The following PCBP3 variants were observed in gnomAD, a reference collection of about 807,000 sequenced individuals.
The protein encoded by PCBP3 is poly(rC)-binding protein 3.
A neutral mutation model predicts 52.7 loss-of-function variants in PCBP3; 25 were observed. That is an observed-to-expected ratio of 0.47 (90% CI 0.35 to 0.66). PCBP3 has a LOEUF of 0.66. PCBP3 is among the 30% of genes least tolerant of loss of function. PCBP3 has a pLI of 0.01. For missense variants in PCBP3, 391 were observed against 490.3 expected (o/e 0.80, Z 1.91); for synonymous variants, 162 against 183.0 (o/e 0.89, Z 0.93).
At chr21:45,844,842 G>A (rs972673170) in intron 4 of PCBP3, among the ~76,000 whole-genome samples, 15 of 133,894 alleles carry the variant, frequency 1.1e-4, no homozygotes, top group Admixed American at 5.4e-4. Flanking sequence ...CTTCATATAC[G>A]TATATAAAGT....
chr21:45,647,380 A>G (rs1424814252), intron 1 of PCBP3, among the ~76,000 whole-genome samples: 1 of 152,200 alleles, frequency 6.6e-6, no homozygotes, highest in African/African-American at 2.4e-5. Flanking sequence ...TGAAGGGCTC[A>G]CCTGTTCGGA....
chr21:45,764,095 A>G (rs2089010935), intron 4 of PCBP3, among the ~76,000 whole-genome samples: 1 of 151,758 alleles, frequency 6.6e-6, no homozygotes, highest in Non-Finnish European at 1.5e-5. Context: ...TTTGTAATAC[A>G]AAGTTTCTCA....
intron 4 of PCBP3, among the ~76,000 whole-genome samples, chr21:45,845,565 C>A (rs969632751): frequency 6.6e-6 from 1 of 151,386 alleles, no homozygotes; most frequent in African/African-American, 2.4e-5. Flanking sequence ...GCTGCTTAAG[C>A]ACCCGTGTGC....
In PCBP3 at chr21:45,827,516, T is replaced by C. The variant is rs1321829181; in HGVS notation, c.-125-22445T>C. Among the ~76,000 whole-genome samples the C allele has an allele frequency of 6.6e-6, 1 of 151,498 alleles. No homozygotes were observed. The highest frequency in any genetic ancestry group is 1.5e-5 in the Non-Finnish European group (1 of 67,844). ...TTTAAAAAAGACATCATAAAGATGC[T>C]TCAGTGAGCCGTCACCAGCTCTACA... On this transcript the variant is annotated intron_variant, in intron 4 of 17. Transcript: ENST00000681687. The surrounding 1 kb of genome is among the most constrained non-coding windows in gnomAD (Gnocchi z 4.3).
intron 13 of PCBP3, among the ~76,000 whole-genome samples, chr21:45,921,748 G>A (rs1034495952): frequency 6.6e-6 from 1 of 152,178 alleles, no homozygotes; most frequent in African/African-American, 2.4e-5. Context: ...GAGCCCGGGA[G>A]GTGGAGGTTG....
chr21:45,778,369 G>A (rs1373639438), intron 4 of PCBP3, among the ~76,000 whole-genome samples: 11 of 152,148 alleles, frequency 7.2e-5, no homozygotes. Flanking sequence ...CACCTATGCT[G>A]GTGGTTACCA....
chr21:45,854,577 A>C (rs905352108), intron 5 of PCBP3, among the ~76,000 whole-genome samples: 2 of 152,202 alleles, frequency 1.3e-5, no homozygotes, highest in African/African-American at 4.8e-5. Context: ...ACACTGTGGC[A>C]TGTGTGAGAA....
intron 4 of PCBP3, among the ~76,000 whole-genome samples, chr21:45,764,401 C>T (rs530956185): frequency 2.6e-5 from 4 of 152,224 alleles, no homozygotes; most frequent in Middle Eastern, 3.2e-3. Flanking sequence ...GGATTACAGG[C>T]GTGAGCCACC....
intron 2 of PCBP3, among the ~76,000 whole-genome samples, chr21:45,720,624 A>G (rs118084949): frequency 2.2e-4 from 33 of 152,366 alleles, no homozygotes; most frequent in East Asian, 5.8e-4. Context: ...TAATTGTAAA[A>G]TTTATTACTA....
chr21:45,695,843 G>A (rs2082734056), intron 2 of PCBP3, among the ~76,000 whole-genome samples: 1 of 152,006 alleles, frequency 6.6e-6, no homozygotes, highest in South Asian at 2.1e-4. Flanking sequence ...CACTTTGGGA[G>A]GCCGAGGCAG....
intron 13 of PCBP3, among the ~76,000 whole-genome samples, chr21:45,927,813 GCC>G (rs1234253837): frequency 5.9e-5 from 9 of 152,126 alleles, no homozygotes; most frequent in Admixed American, 2.0e-4. Flanking sequence ...GAGACACCAG[GCC>G]TTCCTGTCGC....
chr21:45,878,634 A>G (rs1295072085), intron 5 of PCBP3, among the ~76,000 whole-genome samples: 3 of 152,226 alleles, frequency 2.0e-5, no homozygotes, highest in Non-Finnish European at 4.4e-5. Context: ...TCAGAACAGA[A>G]CAGACATTGG....
intron 4 of PCBP3, among the ~76,000 whole-genome samples, chr21:45,843,029 A>G (rs894170549): frequency 6.9e-6 from 1 of 145,712 alleles, no homozygotes; most frequent in Non-Finnish European, 1.5e-5. Context: ...TGTCTGAAAT[A>G]TAGAGGAGGA....
chr21:45,881,311 C>T (rs1474783645), intron 5 of PCBP3, among the ~76,000 whole-genome samples: 1 of 152,178 alleles, frequency 6.6e-6, no homozygotes, highest in East Asian at 1.9e-4. Flanking sequence ...TCTATGTGTT[C>T]ATGTTTTTTG....
intron 13 of PCBP3, among the ~76,000 whole-genome samples, chr21:45,927,816 TTC>T (rs1275484803): frequency 5.9e-5 from 9 of 152,180 alleles, no homozygotes; most frequent in Admixed American, 2.0e-4. Flanking sequence ...ACACCAGGCC[TTC>T]CTGTCGCCAC....
At chr21:45,909,204 C>A in intron 9 of PCBP3, 151 bp from the exon 10 acceptor site, 1 of 769,188 alleles carries the variant, frequency 1.3e-6, no homozygotes, top group South Asian at 1.7e-5. Flanking sequence ...CCTGGTCCTC[C>A]CTGGCCTGGC....
chr21:45,873,377 ACAGTGT>A (rs1474123992), intron 5 of PCBP3: 1 of 152,140 alleles, frequency 6.6e-6, no homozygotes, highest in Non-Finnish European at 1.5e-5. Flanking sequence ...CTGTCCCCTC[ACAGTGT>A]CAGTTGACCC....
In PCBP3 at chr21:45,810,808, AG is replaced by A. The variant is rs2092666903; in HGVS notation, c.-125-39151del. ...GGTGCCTTGAGTCTTCTTGTCGGGA[AG>A]GTATTTGACAACAACTTTCATTTTT... On this transcript the variant is annotated intron_variant, in intron 4 of 17. Transcript: ENST00000681687. Among the ~76,000 whole-genome samples, 4 of 152,302 alleles carry A rather than the reference AG, an allele frequency of 2.6e-5. No homozygotes were observed. In the South Asian group the frequency reaches 8.3e-4, roughly 32 times the overall value.
At chr21:45,867,048 C>T (rs141373931) in intron 5 of PCBP3, among the ~76,000 whole-genome samples, 1 of 152,322 alleles carries the variant, frequency 6.6e-6, no homozygotes, top group Non-Finnish European at 1.5e-5. Flanking sequence ...TGAAAGACAT[C>T]GGTCATTGAG....
Sources: gnomAD v4.1 joint callset for allele counts (sites outside exome capture counted in the v4.1 genomes callset) on GRCh38, gnomAD v4.1.1 for gene constraint, Gnocchi (gnomAD v3.1) non-coding constraint, MANE v1.5 for transcripts, NCBI Gene and HGNC (gene_info 2026-07-23, HGNC 2026-07-21) for gene names.